Variants in CARMIL1 observed in about 807,000 individuals in gnomAD.
CARMIL1 encodes capping protein regulator and myosin 1 linker 1, also known as F-actin-uncapping protein LRRC16A.
Under a neutral mutation model 177.1 loss-of-function variants are expected in CARMIL1, and 90 were observed. The observed-to-expected ratio is 0.51, with a 90% CI of 0.43 to 0.61. The LOEUF is 0.61. Ranked by LOEUF, CARMIL1 falls within the 20% of genes least tolerant of loss-of-function variation. The probability of loss-of-function intolerance (pLI) is 0.00; values close to 1 mark genes in which losing one functional copy is unlikely to be tolerated. For synonymous variants in CARMIL1, 577 were observed against 606.2 expected (o/e 0.95, Z 0.71); for missense variants, 1,380 against 1,667.0 (o/e 0.83, Z 3.00).
intron 2 of CARMIL1, among the ~76,000 whole-genome samples, chr6:25,325,255 G>A (rs775489220): frequency 2.6e-5 from 4 of 152,124 alleles, no homozygotes; most frequent in Non-Finnish European, 2.9e-5. Flanking sequence ...ACTTGAATAC[G>A]TGCCATTATG....
chr6:25,279,674 C>A lies in CARMIL1; in HGVS notation c.-122C>A. 2.3e-6 allele frequency: 2 copies of A among 868,528 alleles called. No individual in the cohort carries two copies. The highest frequency in any genetic ancestry group is 2.8e-5 in the South Asian group (2 of 72,650). The allele number at this position is 868,528 out of a possible 1,614,324, so 53.8% of individuals were successfully genotyped here. ...AAATTCTGTCTCCGCCCCCCCTTTT[C>A]TTGCCCACTTCCATTTGCAAGCTGC... On this transcript the variant is annotated 5_prime_UTR_variant, in exon 1 of 37. Transcript: ENST00000329474.
Position 25,382,421 on chromosome 6 carries a change from G to A in CARMIL1, c.139-37693G>A, listed in dbSNP as rs573834102. On this transcript the variant is annotated intron_variant, in intron 2 of 36. Coordinates refer to ENST00000329474, the MANE Select transcript of CARMIL1 (RefSeq NM_017640.6). ...GCGGACCTTTGCGGTGAGTGTTACA[G>A]CTCTTAAAGGTGGCACGGAGCCAAA... Among the ~76,000 whole-genome samples the A allele has an allele frequency of 3.9e-4, 60 of 152,284 alleles. 1 individual carries two copies. Among genetic ancestry groups the A allele is most frequent in the African/African-American group, 1.4e-3 (59 of 41,550 alleles).
At chr6:25,537,485 G>C (rs1267228960) in intron 24 of CARMIL1, among the ~76,000 whole-genome samples, 1 of 152,112 alleles carries the variant, frequency 6.6e-6, no homozygotes, top group African/African-American at 2.4e-5. Context: ...AACACATAGA[G>C]GGTGCTCACT....
intron 4 of CARMIL1, among the ~76,000 whole-genome samples, chr6:25,434,300 C>T (rs1317432395): frequency 2.0e-5 from 3 of 152,128 alleles, no homozygotes; most frequent in Middle Eastern, 3.4e-3. Context: ...GCTTCTTGCC[C>T]CTTTTGTGAC....
In CARMIL1 at chr6:25,554,079, C is replaced by T; in HGVS notation, c.2575C>T (p.His859Tyr). 1 of 1,593,772 alleles carries T rather than the reference C, an allele frequency of 6.3e-7. No individual in the cohort carries two copies. The highest frequency in any genetic ancestry group is 8.6e-7 in the Non-Finnish European group (1 of 1,169,354). Residue 859 changes from histidine (H) to tyrosine (Y), a missense_variant, in exon 28 of 37, where the codon CAT becomes TAT. Coordinates refer to ENST00000329474, the MANE Select transcript of CARMIL1 (RefSeq NM_017640.6). The surrounding 1 kb of genome is among the most constrained non-coding windows in gnomAD (Gnocchi z 4.6). Reference protein sequence around the residue: ...IVDEILDALSHCHHKLADHFS... With the variant: ...IVDEILDALSYCHHKLADHFS... ...GGATGAAATCCTGGATGCACTCTCA[C>T]ATTGCCATCATAAACTGGTGAGTGC...
chr6:25,372,456 ACCT>A (rs1432172184), intron 2 of CARMIL1, among the ~76,000 whole-genome samples: 1 of 150,962 alleles, frequency 6.6e-6, no homozygotes, highest in Non-Finnish European at 1.5e-5. Flanking sequence ...GAGATTTTTC[ACCT>A]CCTTGTTAAG....
At chr6:25,485,710 C>T (rs772436647) in intron 12 of CARMIL1, among the ~76,000 whole-genome samples, 6 of 152,272 alleles carry the variant, frequency 3.9e-5, no homozygotes, top group Non-Finnish European at 8.8e-5. Flanking sequence ...GCTGGGATTA[C>T]AGGCATGAGC....
At chr6:25,342,716 A>T (rs1024032200) in intron 2 of CARMIL1, among the ~76,000 whole-genome samples, 5 of 152,160 alleles carry the variant, frequency 3.3e-5, no homozygotes, top group African/African-American at 1.2e-4. Context: ...TGATTTTTAT[A>T]AGGGTATTTC....
intron 2 of CARMIL1, among the ~76,000 whole-genome samples, chr6:25,332,773 G>GCA (rs376381821): frequency 0.018 from 1,906 of 104,422 alleles, 31 homozygotes; most frequent in African/African-American, 0.034. Flanking sequence ...ACACACACAC[G>GCA]CGCACACACA....
intron 32 of CARMIL1, among the ~76,000 whole-genome samples, chr6:25,597,577 C>T (rs1814972620): frequency 6.6e-6 from 1 of 152,054 alleles, no homozygotes; most frequent in African/African-American, 2.4e-5. Flanking sequence ...TTCAAGTATT[C>T]TCAGTTTTTT....
intron 2 of CARMIL1, among the ~76,000 whole-genome samples, chr6:25,378,389 G>T (rs1477966347): frequency 6.6e-6 from 1 of 152,198 alleles, no homozygotes; most frequent in Non-Finnish European, 1.5e-5. Flanking sequence ...TCTTATGGCT[G>T]CAGCACACTT....
At chr6:25,376,101 A>G (rs1790945836) in intron 2 of CARMIL1, among the ~76,000 whole-genome samples, 1 of 151,922 alleles carries the variant, frequency 6.6e-6, no homozygotes, top group South Asian at 2.1e-4. Context: ...ATTTTTTGAG[A>G]TGGAGTTTTG....
At chr6:25,426,162 T>C (rs1464036218) in intron 3 of CARMIL1, among the ~76,000 whole-genome samples, 1 of 152,236 alleles carries the variant, frequency 6.6e-6, no homozygotes, top group African/African-American at 2.4e-5. Context: ...TTGCGTTTTT[T>C]GCTATTACTT....
rs1759623054 is a variant in CARMIL1, at chr6:25,620,076, A to G, written c.*493A>G. ...ATTTATTCTTGATGTATGCAATTGC[A>G]CATTGTAATTATATTAACAGAGCAC... On this transcript the variant is annotated 3_prime_UTR_variant, in exon 37 of 37. Coordinates refer to ENST00000329474, the MANE Select transcript of CARMIL1 (RefSeq NM_017640.6). 6.5e-6 allele frequency: 1 copy of G among 152,762 alleles called. No individual in the cohort carries two copies. The highest frequency in any genetic ancestry group is 1.5e-5 in the Non-Finnish European group (1 of 68,144). The allele number at this position is 152,762 out of a possible 1,614,324, so 9.5% of individuals were successfully genotyped here.
intron 2 of CARMIL1, among the ~76,000 whole-genome samples, chr6:25,412,861 G>A (rs1209415926): frequency 6.6e-6 from 1 of 152,158 alleles, no homozygotes; most frequent in Admixed American, 6.5e-5. Context: ...TAATATCAAT[G>A]TATCCCACAG....
At chr6:25,377,677 T>C (rs1189150733) in intron 2 of CARMIL1, among the ~76,000 whole-genome samples, 2 of 152,180 alleles carry the variant, frequency 1.3e-5, no homozygotes, top group East Asian at 3.9e-4. Context: ...GTTGTAGTAG[T>C]AGATGAACTG....
intron 24 of CARMIL1, among the ~76,000 whole-genome samples, chr6:25,529,980 A>G (rs972579941): frequency 1.3e-5 from 2 of 152,064 alleles, no homozygotes; most frequent in Admixed American, 1.3e-4. Context: ...AAGTAGGTGA[A>G]ATGGTGAATT....
At chr6:25,450,925 T>C in intron 8 of CARMIL1, among the ~76,000 whole-genome samples, 1 of 9,330 alleles carries the variant, frequency 1.1e-4, no homozygotes. Context: ...TCCTCTCCTC[T>C]CCTCTCCTCT....
chr6:25,507,548 T>C (rs1805032713), intron 17 of CARMIL1: 2 of 152,710 alleles, frequency 1.3e-5, no homozygotes, highest in African/African-American at 4.8e-5. Context: ...TTTTTAAGCA[T>C]TGGAAAGTAT....
Sources: allele counts gnomAD v4.1 joint callset (sites outside exome capture counted in the v4.1 genomes callset), GRCh38; gene constraint gnomAD v4.1.1; non-coding constraint Gnocchi (gnomAD v3.1); transcripts MANE v1.5; gene names NCBI Gene and HGNC (gene_info 2026-07-23, HGNC 2026-07-21).